Variants in ASCC3 observed in about 807,000 individuals in gnomAD.
ASCC3 encodes the protein activating signal cointegrator 1 complex subunit 3.
In ASCC3, 158 loss-of-function variants were observed where a neutral mutation model predicts 256.3. The ratio of observed to expected loss-of-function variants is 0.62; its 90% CI spans 0.54 to 0.70. The LOEUF (loss-of-function observed/expected upper bound fraction) is 0.70. Among genes scored for constraint, ASCC3 ranks in the 30% least tolerant of loss-of-function variants. The pLI, the probability that ASCC3 is intolerant of heterozygous loss-of-function variation, is 0.00. For missense variants in ASCC3, 2,259 were observed against 2,626.0 expected (o/e 0.86, Z 3.05); for synonymous variants, 948 against 883.4 (o/e 1.07, Z -1.30).
intron 25 of ASCC3, among the ~76,000 whole-genome samples, chr6:100,637,314 G>T (rs1774889381): frequency 6.6e-6 from 1 of 152,094 alleles, no homozygotes; most frequent in South Asian, 2.1e-4. Flanking sequence ...TAAACAGCAT[G>T]GTTTATTGAA....
At chr6:100,657,111 T>C (rs1473259548) in intron 16 of ASCC3, among the ~76,000 whole-genome samples, 2 of 151,256 alleles carry the variant, frequency 1.3e-5, no homozygotes, top group Admixed American at 6.6e-5. Flanking sequence ...TTTAGTAATC[T>C]ATAATTTTCA....
intron 10 of ASCC3, among the ~76,000 whole-genome samples, chr6:100,753,067 C>T (rs1200294392): frequency 6.6e-6 from 1 of 151,974 alleles, no homozygotes; most frequent in African/African-American, 2.4e-5. Context: ...TTATATGGCT[C>T]TAACCTGATT....
Position 100,510,011 on chromosome 6 carries a change from T to C in ASCC3, c.6382A>G (p.Ile2128Val). ...ILGEVDKREL[I>V]ALKRVGYIRN... ...ATATATCCTACTCTTTTCAAAGCAA[T>C]AAGTTCTCTCTTATCCACTTCTCCT... is the stretch of plus-strand genomic sequence containing the variant. Residue 2128 changes from isoleucine to valine, a missense_variant, in exon 41 of 42, where the codon ATT (isoleucine) becomes GTT (valine). Physicochemically the swap from Ile to Val is conservative, Grantham distance 29. Around this residue, in one of 2 missense-constraint regions of ASCC3, gnomAD observed 1,839 missense variants for 2,206.7 expected, o/e 0.83. Transcript: ENST00000369162. The C allele has an allele frequency of 1.2e-6, 2 of 1,614,064 alleles. No individual in the cohort carries two copies. Among genetic ancestry groups the C allele is most frequent in the Non-Finnish European group, 1.7e-6 (2 of 1,179,976 alleles).
chr6:100,627,752 T>A (rs555915975), intron 28 of ASCC3, 42 bp from the exon 29 acceptor site: 1 of 1,607,304 alleles, frequency 6.2e-7, no homozygotes, highest in South Asian at 1.1e-5. Flanking sequence ...AATTTTTATA[T>A]TGAATTTTAT....
At chr6:100,583,632 T>A (rs1771452147) in intron 36 of ASCC3, among the ~76,000 whole-genome samples, 1 of 152,214 alleles carries the variant, frequency 6.6e-6, no homozygotes, top group Admixed American at 6.5e-5. Flanking sequence ...TCTGCAAGCT[T>A]TTGAATGTGA....
intron 30 of ASCC3, among the ~76,000 whole-genome samples, chr6:100,613,043 CTTAA>C (rs2114829365): frequency 6.6e-6 from 1 of 151,292 alleles, no homozygotes; most frequent in East Asian, 1.9e-4. Context: ...TTTAGTTTGG[CTTAA>C]TTCTTTTTTT....
chr6:100,609,146 G>A (rs1773262189), intron 30 of ASCC3, among the ~76,000 whole-genome samples: 1 of 151,314 alleles, frequency 6.6e-6, no homozygotes, highest in Non-Finnish European at 1.5e-5. Context: ...ATTGTAAATC[G>A]GTCCCTTATG....
chr6:100,603,050 T>C (rs1396708301), intron 33 of ASCC3, among the ~76,000 whole-genome samples: 4 of 152,034 alleles, frequency 2.6e-5, no homozygotes, highest in African/African-American at 4.8e-5. Flanking sequence ...CAATTTCACT[T>C]TTTCATTATG....
At chr6:100,699,500 GT>G (rs1778248733) in intron 13 of ASCC3, among the ~76,000 whole-genome samples, 3 of 152,182 alleles carry the variant, frequency 2.0e-5, no homozygotes, top group Admixed American at 2.0e-4. Flanking sequence ...TTTATCAGCA[GT>G]GTGAAAATGG....
At chr6:100,742,261 G>C (rs868403265) in intron 10 of ASCC3, among the ~76,000 whole-genome samples, 4 of 152,126 alleles carry the variant, frequency 2.6e-5, no homozygotes, top group Non-Finnish European at 5.9e-5. Context: ...TCCATCCCAG[G>C]GGGTACTGAC....
At chr6:100,563,282 G>A (rs536074563) in intron 36 of ASCC3, among the ~76,000 whole-genome samples, 80 of 151,816 alleles carry the variant, frequency 5.3e-4, no homozygotes, top group Middle Eastern at 6.8e-3. Context: ...CCATCTTCCC[G>A]TTTTAGAATT....
In ASCC3 at chr6:100,864,037, AAAAAAAAG is replaced by A; in HGVS notation, c.241+19_241+26del. On this transcript the variant is annotated intron_variant, in intron 3 of 41. Coordinates refer to ENST00000369162, the MANE Select transcript of ASCC3 (RefSeq NM_006828.4). ...TGAACCTTACTGGTTCTCTTTAAAA[AAAAAAAAG>A]AAAAAAAGAAAACTATACCTATCTG... The A allele has an allele frequency of 6.7e-7, 1 of 1,497,338 alleles. No individual in the cohort carries two copies. The highest frequency in any genetic ancestry group is 9.0e-7 in the Non-Finnish European group (1 of 1,112,598). 92.8% of individuals were successfully genotyped at this position (1,497,338 alleles called of 1,614,324 possible).
chr6:100,589,642 T>C lies in ASCC3; in HGVS notation c.5542A>G (p.Ile1848Val), dbSNP rs993086496. The change falls in exon 36 of 42, where the codon ATT (isoleucine) becomes GTT (valine). Residue 1848 changes from isoleucine to valine, a missense_variant. Around this residue, in one of 2 missense-constraint regions of ASCC3, gnomAD observed 1,839 missense variants for 2,206.7 expected, o/e 0.83. Coordinates refer to ENST00000369162, the MANE Select transcript of ASCC3 (RefSeq NM_006828.4). ...PECSTEELLSILSDAEEYTDL... is the reference protein window; with the variant it reads ...PECSTEELLSVLSDAEEYTDL... ...ATATATGAAAAACTCACACTTAGAA[T>C]TGAAAGCAGTTCTTCAGTACTGCAT... 6.2e-7 allele frequency: 1 copy of C among 1,613,302 alleles called. No individual in the cohort carries two copies. The highest frequency in any genetic ancestry group is 2.2e-5 in the East Asian group (1 of 44,850).
At chr6:100,575,611 C>A (rs1210416943) in intron 36 of ASCC3, among the ~76,000 whole-genome samples, 1 of 151,962 alleles carries the variant, frequency 6.6e-6, no homozygotes, top group Non-Finnish European at 1.5e-5. Flanking sequence ...TAGTCAATAT[C>A]CAAGCTTGTG....
chr6:100,803,958 T>C (rs973720846), intron 5 of ASCC3, among the ~76,000 whole-genome samples: 5 of 151,776 alleles, frequency 3.3e-5, no homozygotes, highest in Non-Finnish European at 7.4e-5. Flanking sequence ...AAAAACAGTG[T>C]GGTAAAGGTA....
intron 16 of ASCC3, among the ~76,000 whole-genome samples, chr6:100,656,020 G>A (rs1775897644): frequency 6.6e-6 from 1 of 151,670 alleles, no homozygotes; most frequent in Non-Finnish European, 1.5e-5. Context: ...TGATACATGA[G>A]AAATGTTATC....
intron 1 of ASCC3, among the ~76,000 whole-genome samples, chr6:100,878,680 C>G (rs1334683050): frequency 6.6e-6 from 1 of 152,204 alleles, no homozygotes; most frequent in African/African-American, 2.4e-5. Flanking sequence ...TCTCATTCCA[C>G]CCTAATCCAT....
chr6:100,752,866 T>C (rs1402470931), intron 10 of ASCC3, among the ~76,000 whole-genome samples: 1 of 152,156 alleles, frequency 6.6e-6, no homozygotes, highest in Non-Finnish European at 1.5e-5. Context: ...TAGAAAAATA[T>C]GAGAGTAAGT....
chr6:100,847,967 C>T (rs1208358914), intron 4 of ASCC3, 181 bp downstream of exon 4: 1 of 544,008 alleles, frequency 1.8e-6, no homozygotes, highest in Non-Finnish European at 3.1e-6. Flanking sequence ...ACTTTCAGAC[C>T]TCCTGTAACT....
Sources: gnomAD v4.1 joint callset for allele counts (sites outside exome capture counted in the v4.1 genomes callset) on GRCh38, gnomAD v4.1.1 for gene constraint, gnomAD v4.1.1 regional missense constraint, MANE v1.5 for transcripts, NCBI Gene and HGNC (gene_info 2026-07-23, HGNC 2026-07-21) for gene names.